NOPCHAP1: variants seen among roughly 807,000 people sequenced by gnomAD.
The protein encoded by NOPCHAP1 is NOP protein chaperone 1, also known as DNA damage-sensitive RNA 1.
In NOPCHAP1, 13 loss-of-function variants were observed where a neutral mutation model predicts 14.0. That is an observed-to-expected ratio of 0.93 (90% CI 0.60 to 1.47). The LOEUF (loss-of-function observed/expected upper bound fraction) is 1.47. Ranked by LOEUF, NOPCHAP1 falls within the 40% of genes most tolerant of loss-of-function variation. The pLI is 0.00. For synonymous variants in NOPCHAP1, 78 were observed against 78.4 expected (o/e 1.00, Z 0.03); for missense variants, 230 against 226.9 (o/e 1.01, Z -0.09).
intron 2 of NOPCHAP1, among the ~76,000 whole-genome samples, chr12:104,988,860 G>A (rs1873309110): frequency 1.3e-5 from 2 of 152,108 alleles, no homozygotes; most frequent in South Asian, 4.1e-4. Flanking sequence ...GAATTTAACT[G>A]TAGCATCATT....
In NOPCHAP1 at chr12:105,001,505, G is replaced by A. The variant is rs1344130150; in HGVS notation, c.*6809G>A. ...AATATTTTTTCAATTTCTGCCTTTA[G>A]AGAGCATAACAGTTCTGGTTCAGGA... On this transcript the variant is annotated 3_prime_UTR_variant, in exon 4 of 4. Transcript: ENST00000552951. The A allele has an allele frequency of 6.6e-6, 1 of 152,146 alleles. No homozygotes were observed. The highest frequency in any genetic ancestry group is 2.4e-5 in the African/African-American group (1 of 41,418). The allele number at this position is 152,146 out of a possible 1,614,324, so 9.4% of individuals were successfully genotyped here.
At chr12:104,990,138 A>T (rs745570746) in intron 2 of NOPCHAP1, among the ~76,000 whole-genome samples, 10 of 151,930 alleles carry the variant, frequency 6.6e-5, no homozygotes, top group Non-Finnish European at 1.3e-4. Context: ...TTTTTATTAG[A>T]TGTTGGACAT....
At position 104,998,489 on chromosome 12, in the gene NOPCHAP1, G is replaced by C. The variant is rs887882015; in HGVS notation, c.*3793G>C. On this transcript the variant is annotated 3_prime_UTR_variant, in exon 4 of 4. Coordinates refer to ENST00000552951, the MANE Select transcript of NOPCHAP1 (RefSeq NM_152318.3). ...TTCCTGGACTGTATGCTGTAATTCT[G>C]GGGGGCTGATATCAGGCCCCTGGCT... is the stretch of plus-strand genomic sequence containing the variant. 3.3e-5 allele frequency: 5 copies of C among 152,158 alleles called. No individual in the cohort carries two copies. Among genetic ancestry groups the C allele is most frequent in the African/African-American group, 1.2e-4 (5 of 41,416 alleles). The allele number at this position is 152,158 out of a possible 1,614,324, so 9.4% of individuals were successfully genotyped here. A position where few individuals can be genotyped will look rare whatever the true frequency, so the allele number is the denominator to read the frequency against.
chr12:104,994,511 T>G lies in NOPCHAP1; in HGVS notation c.373T>G (p.Ser125Ala). The change falls in exon 4 of 4, where the codon TCA becomes GCA. Residue 125 changes from serine (S) to alanine (A), a missense_variant. Transcript: ENST00000552951. ...TTTGTTTGAGATGAATCAGTCGGATTCAAAAGAAGTGGACAGTTCAGAAGA... is the reference window on the plus strand; with the variant it reads ...TTTGTTTGAGATGAATCAGTCGGATGCAAAAGAAGTGGACAGTTCAGAAGA... ...VALFEMNQSD[S>A]KEVDSSEESS... The G allele has an allele frequency of 6.2e-7, 1 of 1,613,926 alleles. No individual in the cohort carries two copies. The highest frequency in any genetic ancestry group is 1.1e-5 in the South Asian group (1 of 91,006).
Position 105,014,786 on chromosome 12 carries a change from A to T in NOPCHAP1, c.*20090A>T, listed in dbSNP as rs1873912628. The T allele has an allele frequency of 6.6e-6, 1 of 152,200 alleles. No individual in the cohort carries two copies. Among genetic ancestry groups the T allele is most frequent in the African/African-American group, 2.4e-5 (1 of 41,444 alleles). 9.4% of individuals were successfully genotyped at this position (152,200 alleles called of 1,614,324 possible). On this transcript the variant is annotated 3_prime_UTR_variant, in exon 4 of 4. Coordinates refer to ENST00000552951, the MANE Select transcript of NOPCHAP1 (RefSeq NM_152318.3). ...GACATCACAGCAAAATTTGGAGGGC[A>T]TAGTACAAAGAAAGGCGACAGCTGG...
chr12:104,997,011 A>G lies in NOPCHAP1; in HGVS notation c.*2315A>G, dbSNP rs1303083723. 3 of 152,206 alleles carry G rather than the reference A, an allele frequency of 2.0e-5. No individual in the cohort carries two copies. Among genetic ancestry groups the G allele is most frequent in the Non-Finnish European group, 2.9e-5 (2 of 68,040 alleles). 9.4% of individuals were successfully genotyped at this position (152,206 alleles called of 1,614,324 possible). On this transcript the variant is annotated 3_prime_UTR_variant, in exon 4 of 4. Coordinates refer to ENST00000552951, the MANE Select transcript of NOPCHAP1 (RefSeq NM_152318.3). ...GTGAGGTGGGTCTCTTGAAGATAGCATACCATTGGATTTTGCTTCTTTATC... is the reference window on the plus strand; with the variant it reads ...GTGAGGTGGGTCTCTTGAAGATAGCGTACCATTGGATTTTGCTTCTTTATC...
chr12:104,987,581 T>C (rs1351458718), intron 1 of NOPCHAP1, among the ~76,000 whole-genome samples: 1 of 151,944 alleles, frequency 6.6e-6, no homozygotes, highest in African/African-American at 2.4e-5. Flanking sequence ...AAGCCTTGAG[T>C]TTTGTACGTT....
rs1873752501 is a variant in NOPCHAP1 at position 105,008,618 on chromosome 12, C to T, written c.*13922C>T. On this transcript the variant is annotated 3_prime_UTR_variant, in exon 4 of 4. Coordinates refer to ENST00000552951, the MANE Select transcript of NOPCHAP1 (RefSeq NM_152318.3). ...TTCTAGGGTTTTTATGGTTTTAGAT[C>T]TTACATTTAAGTCTTTAATCCATCG... The T allele has an allele frequency of 6.6e-6, 1 of 152,108 alleles. No homozygotes were observed. The highest frequency in any genetic ancestry group is 2.1e-4 in the South Asian group (1 of 4,820). 9.4% of individuals were successfully genotyped at this position (152,108 alleles called of 1,614,324 possible). A position where few individuals can be genotyped will look rare whatever the true frequency, so the allele number is the denominator to read the frequency against.
At chr12:104,992,706 C>T (rs78656851) in intron 3 of NOPCHAP1, among the ~76,000 whole-genome samples, 2,757 of 152,248 alleles carry the variant, frequency 0.018, 84 homozygotes, top group African/African-American at 0.062. Context: ...AGTTCTGCCT[C>T]CTGTCAGATC....
rs1467428186 is a variant in NOPCHAP1, at chr12:105,000,353, T to A, written c.*5657T>A. On this transcript the variant is annotated 3_prime_UTR_variant, in exon 4 of 4. Transcript: ENST00000552951. ...TTTCAGGGTAATTCTCTTCGGGAAC[T>A]CAGAGAGGTGTTGGCATTAGTGGAG... 1 of 152,206 alleles carries A rather than the reference T, an allele frequency of 6.6e-6. No homozygotes were observed. Among genetic ancestry groups the A allele is most frequent in the Non-Finnish European group, 1.5e-5 (1 of 68,042 alleles). The allele number at this position is 152,206 out of a possible 1,614,324, so 9.4% of individuals were successfully genotyped here.
Position 104,994,710 on chromosome 12 carries a change from C to T in NOPCHAP1, c.*14C>T, listed in dbSNP as rs751843461. On this transcript the variant is annotated 3_prime_UTR_variant, in exon 4 of 4. Transcript: ENST00000552951. ...AAAAAGAAATAGTCAAATAAATTAT[C>T]TGAAAAGAAACAGGTGACATATGTC... The T allele has an allele frequency of 1.3e-6, 2 of 1,587,840 alleles. No individual in the cohort carries two copies. Among genetic ancestry groups the T allele is most frequent in the Non-Finnish European group, 1.7e-6 (2 of 1,161,662 alleles).
rs1873521613 is a variant in NOPCHAP1 at position 104,997,438 on chromosome 12, T to C, written c.*2742T>C. The C allele has an allele frequency of 6.6e-6, 1 of 152,238 alleles. No homozygotes were observed. The allele number at this position is 152,238 out of a possible 1,614,324, so 9.4% of individuals were successfully genotyped here. A position where few individuals can be genotyped will look rare whatever the true frequency, so the allele number is the denominator to read the frequency against. ...CACACCAGCATGGCACATGTATACA[T>C]ATGTAACTAACCAGCACATTGTGCA... On this transcript the variant is annotated 3_prime_UTR_variant, in exon 4 of 4. Coordinates refer to ENST00000552951, the MANE Select transcript of NOPCHAP1 (RefSeq NM_152318.3).
Position 104,998,530 on chromosome 12 carries a change from T to G in NOPCHAP1, c.*3834T>G, listed in dbSNP as rs1873541299. 1 of 152,286 alleles carries G rather than the reference T, an allele frequency of 6.6e-6. No individual in the cohort carries two copies. The allele number at this position is 152,286 out of a possible 1,614,324, so 9.4% of individuals were successfully genotyped here. ...GCCCCTGGCTTTGTTCTCTGGCCACTGGAGGTTAGGTACCTGCTGTGCTAG... is the reference window on the plus strand; with the variant it reads ...GCCCCTGGCTTTGTTCTCTGGCCACGGGAGGTTAGGTACCTGCTGTGCTAG... On this transcript the variant is annotated 3_prime_UTR_variant, in exon 4 of 4. Transcript: ENST00000552951.
Position 105,009,382 on chromosome 12 carries a change from G to A in NOPCHAP1, c.*14686G>A, listed in dbSNP as rs902888195. 1.3e-5 allele frequency: 2 copies of A among 152,084 alleles called. No homozygotes were observed. The highest frequency in any genetic ancestry group is 6.5e-5 in the Admixed American group (1 of 15,272). 9.4% of individuals were successfully genotyped at this position (152,084 alleles called of 1,614,324 possible). On this transcript the variant is annotated 3_prime_UTR_variant, in exon 4 of 4. Transcript: ENST00000552951. ...GGAGTTTTTGGGCTAAGATGATGGGGTTTTCTAAATATCATGTCATCTGCA... is the reference window on the plus strand; with the variant it reads ...GGAGTTTTTGGGCTAAGATGATGGGATTTTCTAAATATCATGTCATCTGCA...
In NOPCHAP1 at chr12:104,996,221, G is replaced by C. The variant is rs554994957; in HGVS notation, c.*1525G>C. On this transcript the variant is annotated 3_prime_UTR_variant, in exon 4 of 4. Coordinates refer to ENST00000552951, the MANE Select transcript of NOPCHAP1 (RefSeq NM_152318.3). ...GCAGACCCTCTGAGGCTGGAAAAGA[G>C]GGCTACCTAGTGGTATTTGAGCATC... The C allele has an allele frequency of 5.6e-4, 85 of 152,200 alleles. No individual in the cohort carries two copies. Among genetic ancestry groups the C allele is most frequent in the African/African-American group, 1.8e-3 (73 of 41,528 alleles). The allele number at this position is 152,200 out of a possible 1,614,324, so 9.4% of individuals were successfully genotyped here.
At position 104,994,809 on chromosome 12, in the gene NOPCHAP1, TAAA is replaced by T; in HGVS notation, c.*116_*118del. ...AGGCACCTATGGTGCTTTTATATGT[TAAA>T]AACTTTAGACAAGTTAAATTTGACA... On this transcript the variant is annotated 3_prime_UTR_variant, in exon 4 of 4. Transcript: ENST00000552951. 1.1e-6 allele frequency: 1 copy of T among 912,302 alleles called. No homozygotes were observed. Among genetic ancestry groups the T allele is most frequent in the Non-Finnish European group, 1.7e-6 (1 of 589,574 alleles). 56.5% of individuals were successfully genotyped at this position (912,302 alleles called of 1,614,324 possible). A position where few individuals can be genotyped will look rare whatever the true frequency, so the allele number is the denominator to read the frequency against.
chr12:105,006,159 T>C lies in NOPCHAP1; in HGVS notation c.*11463T>C, dbSNP rs1225405721. 6.6e-6 allele frequency: 1 copy of C among 152,244 alleles called. No homozygotes were observed. Among genetic ancestry groups the C allele is most frequent in the African/African-American group, 2.4e-5 (1 of 41,466 alleles). The allele number at this position is 152,244 out of a possible 1,614,324, so 9.4% of individuals were successfully genotyped here. ...GTCGTAAATCTTATGAATTCATGCA[T>C]GATATCTGGACACAGTTTTTTTCAG... On this transcript the variant is annotated 3_prime_UTR_variant, in exon 4 of 4. Transcript: ENST00000552951.
chr12:104,988,096 A>G, intron 1 of NOPCHAP1, 71 bp from the exon 2 acceptor site: 1 of 1,235,520 alleles, frequency 8.1e-7, no homozygotes, highest in South Asian at 1.3e-5. Context: ...GTCATGTGAG[A>G]GGCTTACTGA....
intron 2 of NOPCHAP1, among the ~76,000 whole-genome samples, chr12:104,990,460 C>G (rs992271297): frequency 6.6e-6 from 1 of 152,190 alleles, no homozygotes; most frequent in East Asian, 1.9e-4. Flanking sequence ...TTCACTATTA[C>G]GTCGGGCTTT....
Sources: gnomAD v4.1 joint callset for allele counts (sites outside exome capture counted in the v4.1 genomes callset) on GRCh38, gnomAD v4.1.1 for gene constraint, MANE v1.5 for transcripts, NCBI Gene and HGNC (gene_info 2026-07-23, HGNC 2026-07-21) for gene names.